Variants in LPP observed in about 807,000 individuals in gnomAD.
LPP encodes the protein LIM domain containing preferred translocation partner in lipoma, also known as lipoma-preferred partner.
A neutral mutation model predicts 60.4 loss-of-function variants in LPP; 38 were observed. The observed-to-expected ratio is 0.63, with a 90% CI of 0.49 to 0.83. LPP has a LOEUF of 0.83. LPP is among the 40% of genes least tolerant of loss of function. LPP has a pLI of 0.00. For missense variants in LPP, 902 were observed against 783.6 expected (o/e 1.15, Z -1.80); for synonymous variants, 328 against 290.8 (o/e 1.13, Z -1.30).
intron 8 of LPP, among the ~76,000 whole-genome samples, chr3:188,753,580 CGTGTGTGTGTGTGT>C (rs141731350): frequency 7.9e-5 from 11 of 139,560 alleles, no homozygotes; most frequent in African/African-American, 2.4e-4. Context: ...TTGTTGTGTG[CGTGTGTGTGTGTGT>C]GTGTGTGTGT....
At chr3:188,347,554 T>A (rs889106666) in intron 3 of LPP, among the ~76,000 whole-genome samples, 2 of 152,132 alleles carry the variant, frequency 1.3e-5, no homozygotes, top group Admixed American at 6.5e-5. Context: ...AATAGGAATT[T>A]CAGTGCTTTG....
intron 7 of LPP, among the ~76,000 whole-genome samples, chr3:188,621,623 C>T (rs189400798): frequency 3.9e-5 from 6 of 152,050 alleles, no homozygotes; most frequent in Admixed American, 1.3e-4. Context: ...TGCGTGTAAC[C>T]GATAAATTAG....
intron 2 of LPP, among the ~76,000 whole-genome samples, chr3:188,318,753 CTTTTTTTTTTT>C (rs10708836): frequency 3.1e-5 from 3 of 96,888 alleles, no homozygotes; most frequent in African/African-American, 4.9e-5. Flanking sequence ...AATTATGATT[CTTTTTTTTTTT>C]TTTTTTTTTT....
chr3:188,691,301 A>G (rs1031063772), intron 7 of LPP, among the ~76,000 whole-genome samples: 2 of 152,226 alleles, frequency 1.3e-5, no homozygotes, highest in African/African-American at 2.4e-5. Flanking sequence ...GCCATGGACT[A>G]TAGAGTCATA....
chr3:188,563,152 T>C (rs1045124549), intron 6 of LPP, among the ~76,000 whole-genome samples: 1 of 151,978 alleles, frequency 6.6e-6, no homozygotes, highest in Non-Finnish European at 1.5e-5. Context: ...AATGGAATAG[T>C]TCCTCTAATT....
chr3:188,556,445 A>G (rs1829480548), intron 6 of LPP, among the ~76,000 whole-genome samples: 2 of 152,142 alleles, frequency 1.3e-5, no homozygotes, highest in Admixed American at 6.6e-5. Flanking sequence ...TCTGTCATAT[A>G]GTAAATTACC....
At chr3:188,550,349 C>T (rs549146928) in intron 6 of LPP, among the ~76,000 whole-genome samples, 4 of 151,940 alleles carry the variant, frequency 2.6e-5, no homozygotes, top group East Asian at 3.9e-4. Context: ...GAGGCCGAGG[C>T]GGGTGGATCA....
At chr3:188,571,373 A>G (rs1833503905) in intron 6 of LPP, among the ~76,000 whole-genome samples, 1 of 151,796 alleles carries the variant, frequency 6.6e-6, no homozygotes, top group Non-Finnish European at 1.5e-5. Context: ...ACATCCCAAT[A>G]TTTTCAGAAG....
At chr3:188,230,199 C>CAA (rs1483796928) in intron 2 of LPP, among the ~76,000 whole-genome samples, 2 of 151,950 alleles carry the variant, frequency 1.3e-5, no homozygotes, top group Non-Finnish European at 2.9e-5. Context: ...GATTCTCTTG[C>CAA]CTCAGCTGCC....
At chr3:188,484,808 G>T in intron 5 of LPP, 104 bp downstream of exon 5, 1 of 851,062 alleles carries the variant, frequency 1.2e-6, no homozygotes. Flanking sequence ...TTCTGTGCTG[G>T]ATAAACATTT....
intron 3 of LPP, among the ~76,000 whole-genome samples, chr3:188,344,203 T>A (rs1448177514): frequency 6.6e-6 from 1 of 152,212 alleles, no homozygotes; most frequent in Non-Finnish European, 1.5e-5. Context: ...AATACCCAAT[T>A]AAATCTCATG....
intron 1 of LPP, among the ~76,000 whole-genome samples, chr3:188,167,143 G>A (rs1352061325): frequency 6.6e-6 from 1 of 152,136 alleles, no homozygotes; most frequent in South Asian, 2.1e-4. Flanking sequence ...GAGTGTAATA[G>A]TATCTTTCAC....
chr3:188,271,910 A>G (rs559001660), intron 2 of LPP, among the ~76,000 whole-genome samples: 1 of 152,264 alleles, frequency 6.6e-6, no homozygotes, highest in East Asian at 1.9e-4. Flanking sequence ...AGGCACCCAT[A>G]ATAGTCCCTT....
At position 188,887,283 on chromosome 3, in the gene LPP, C is replaced by A. The variant is rs1003201098; in HGVS notation, c.*12804C>A. ...TCCTTTTTTATTCTTTCTTGGGAGA[C>A]GTTAAGTATAAAAGGGAAAAAGTCA... On this transcript the variant is annotated 3_prime_UTR_variant, in exon 12 of 12. Coordinates refer to ENST00000617246, the MANE Select transcript of LPP (RefSeq NM_001375462.1). The A allele has an allele frequency of 4.6e-6, 1 of 216,782 alleles. No homozygotes were observed. The highest frequency in any genetic ancestry group is 9.3e-6 in the Non-Finnish European group (1 of 107,728). 13.4% of individuals were successfully genotyped at this position (216,782 alleles called of 1,614,324 possible).
intron 5 of LPP, among the ~76,000 whole-genome samples, chr3:188,492,088 C>T (rs903520627): frequency 5.9e-5 from 9 of 151,758 alleles, no homozygotes; most frequent in South Asian, 4.2e-4. Context: ...GTTAACTGCT[C>T]GACAAAAAAA....
At chr3:188,452,862 C>T (rs540554601) in intron 4 of LPP, among the ~76,000 whole-genome samples, 1 of 152,172 alleles carries the variant, frequency 6.6e-6, no homozygotes, top group Admixed American at 6.5e-5. Flanking sequence ...ATATTGTATT[C>T]CCTCTTTAAA....
chr3:188,760,431 TGTGTGC>T, intron 9 of LPP, 149 bp downstream of exon 9: 1 of 735,200 alleles, frequency 1.4e-6, no homozygotes, highest in Non-Finnish European at 2.2e-6. Context: ...TGTGTGTGTG[TGTGTGC>T]GTGCGCGCAT....
chr3:188,158,711 T>C (rs1278536687), intron 1 of LPP, among the ~76,000 whole-genome samples: 2 of 152,228 alleles, frequency 1.3e-5, no homozygotes, highest in African/African-American at 2.4e-5. Context: ...ATTTTGCAGA[T>C]GAGAAAATGA....
At chr3:188,623,982 G>A (rs1846304670) in intron 7 of LPP, among the ~76,000 whole-genome samples, 1 of 152,274 alleles carries the variant, frequency 6.6e-6, no homozygotes, top group South Asian at 2.1e-4. Context: ...CTATAGAGTG[G>A]AATTAAGCAG....
Sources: allele counts gnomAD v4.1 joint callset (sites outside exome capture counted in the v4.1 genomes callset), GRCh38; gene constraint gnomAD v4.1.1; transcripts MANE v1.5; gene names NCBI Gene and HGNC (gene_info 2026-07-23, HGNC 2026-07-21).